Variants in STK38L observed in about 807,000 individuals in gnomAD.
STK38L encodes the protein serine/threonine kinase 38 like.
A neutral mutation model predicts 59.7 loss-of-function variants in STK38L; 28 were observed. The observed-to-expected ratio is 0.47, with a 90% CI of 0.35 to 0.64. STK38L has a LOEUF of 0.64. STK38L is among the 30% of genes least tolerant of loss of function. The pLI, the probability that STK38L is intolerant of heterozygous loss-of-function variation, is 0.01. For missense variants in STK38L, 314 were observed against 555.8 expected (o/e 0.56, Z 4.37); for synonymous variants, 162 against 176.8 (o/e 0.92, Z 0.66).
intron 5 of STK38L, among the ~76,000 whole-genome samples, chr12:27,312,175 G>A (rs1026739529): frequency 5.3e-5 from 8 of 152,038 alleles, no homozygotes; most frequent in Admixed American, 1.3e-4. Context: ...CACTGTGCCC[G>A]GCCCTGCTTA....
chr12:27,268,775 C>T (rs1438206268), intron 1 of STK38L, among the ~76,000 whole-genome samples: 1 of 152,160 alleles, frequency 6.6e-6, no homozygotes, highest in African/African-American at 2.4e-5. Flanking sequence ...TCCTCTCCAG[C>T]ACCTGTTGTT....
chr12:27,290,468 T>C (rs562352356), intron 1 of STK38L, among the ~76,000 whole-genome samples: 6 of 152,330 alleles, frequency 3.9e-5, no homozygotes, highest in African/African-American at 9.6e-5. Flanking sequence ...AAACTAACTT[T>C]CTTAAACTAG....
intron 1 of STK38L, among the ~76,000 whole-genome samples, chr12:27,249,244 TCA>T (rs1942921384): frequency 1.3e-5 from 2 of 152,242 alleles, no homozygotes; most frequent in Non-Finnish European, 2.9e-5. Context: ...ACCTGATCAT[TCA>T]CAGTCATATT....
At chr12:27,315,383 C>T (rs1204041356) in intron 9 of STK38L, 33 bp downstream of exon 9, 26 of 1,566,146 alleles carry the variant, frequency 1.7e-5, no homozygotes, top group Non-Finnish European at 2.3e-5. Flanking sequence ...GAATTTTATG[C>T]CTTGGTTCTA....
intron 9 of STK38L, among the ~76,000 whole-genome samples, chr12:27,316,611 AT>A (rs1035123154): frequency 7.9e-5 from 12 of 152,152 alleles, no homozygotes; most frequent in African/African-American, 2.9e-4. Context: ...GTGGTCCTAC[AT>A]TTTGCCATGG....
intron 1 of STK38L, among the ~76,000 whole-genome samples, chr12:27,288,302 A>G (rs1395928920): frequency 6.6e-6 from 1 of 152,158 alleles, no homozygotes; most frequent in Non-Finnish European, 1.5e-5. Context: ...TAAAGCATAC[A>G]TTTATTTTAA....
At chr12:27,303,012 T>TAAA (rs33949589) in intron 3 of STK38L, among the ~76,000 whole-genome samples, 1 of 119,812 alleles carries the variant, frequency 8.3e-6, no homozygotes, top group Non-Finnish European at 1.7e-5. Flanking sequence ...GACTCCGTCT[T>TAAA]AAAAAAAAAA....
chr12:27,299,891 G>T (rs1042382441), intron 2 of STK38L, among the ~76,000 whole-genome samples: 1 of 151,894 alleles, frequency 6.6e-6, no homozygotes, highest in African/African-American at 2.4e-5. Context: ...AAATAAGTTA[G>T]AAATAAAAAT....
chr12:27,303,731 A>T (rs933468391), intron 3 of STK38L, among the ~76,000 whole-genome samples: 1 of 152,168 alleles, frequency 6.6e-6, no homozygotes, highest in Admixed American at 6.5e-5. Context: ...TTCATAGAAG[A>T]AGTAATAATT....
chr12:27,313,750 AAGT>A (rs1944515951), intron 6 of STK38L, among the ~76,000 whole-genome samples: 1 of 152,152 alleles, frequency 6.6e-6, no homozygotes, highest in Non-Finnish European at 1.5e-5. Flanking sequence ...TCTGTGTTGT[AAGT>A]GCACCAGTGT....
In STK38L at chr12:27,325,513, T is replaced by C. The variant is rs1429377322; in HGVS notation, c.*3058T>C. On this transcript the variant is annotated 3_prime_UTR_variant, in exon 14 of 14. Coordinates refer to ENST00000389032, the MANE Select transcript of STK38L (RefSeq NM_015000.4). ...ATAAATGAATTGAGAATTTAGTCCA[T>C]AGAGGTCCCTGGCTACCAAACACAT... The C allele has an allele frequency of 1.3e-5, 2 of 152,186 alleles. No individual in the cohort carries two copies. The highest frequency in any genetic ancestry group is 2.1e-4 in the South Asian group (1 of 4,832). The allele number at this position is 152,186 out of a possible 1,614,324, so 9.4% of individuals were successfully genotyped here. A position where few individuals can be genotyped will look rare whatever the true frequency, so the allele number is the denominator to read the frequency against.
At chr12:27,312,121 C>T (rs761395569) in intron 5 of STK38L, among the ~76,000 whole-genome samples, 8 of 151,240 alleles carry the variant, frequency 5.3e-5, no homozygotes, top group Admixed American at 4.6e-4. Flanking sequence ...CCTCGTGATC[C>T]ACCTGCCCTG....
intron 1 of STK38L, among the ~76,000 whole-genome samples, chr12:27,272,481 C>A (rs1442496427): frequency 1.3e-5 from 2 of 151,244 alleles, no homozygotes; most frequent in African/African-American, 4.9e-5. Context: ...AGCTCTTTTC[C>A]CTCCTTTATA....
At chr12:27,319,495 T>A in intron 12 of STK38L, 72 bp downstream of exon 12, 1 of 1,000,218 alleles carries the variant, frequency 1.0e-6, no homozygotes, top group Non-Finnish European at 1.6e-6. Context: ...TTAATTTACC[T>A]CTGATTCTGC....
Position 27,307,424 on chromosome 12 carries a change from A to G in STK38L, c.187-915A>G, listed in dbSNP as rs374962156. Among the ~76,000 whole-genome samples, 132 of 152,374 alleles carry G rather than the reference A, an allele frequency of 8.7e-4. 2 individuals are homozygous for G. In the South Asian group the frequency reaches 0.023, roughly 26 times the overall value. On this transcript the variant is annotated intron_variant, in intron 3 of 13. Coordinates refer to ENST00000389032, the MANE Select transcript of STK38L (RefSeq NM_015000.4). Reference sequence around the variant, plus strand: ...ATATATACAGGAGTAGGGAGAGGCTATACCATGAGCTGCATTTAGAAGCAA... The same window carrying G: ...ATATATACAGGAGTAGGGAGAGGCTGTACCATGAGCTGCATTTAGAAGCAA...
intron 3 of STK38L, among the ~76,000 whole-genome samples, chr12:27,307,949 G>C (rs1944355769): frequency 6.6e-6 from 1 of 152,160 alleles, no homozygotes; most frequent in African/African-American, 2.4e-5. Context: ...CAGTAGTTGT[G>C]AAAGAGCAAC....
At chr12:27,307,723 T>G (rs535222870) in intron 3 of STK38L, among the ~76,000 whole-genome samples, 14 of 152,338 alleles carry the variant, frequency 9.2e-5, no homozygotes, top group Admixed American at 3.9e-4. Context: ...TTAATGGAAG[T>G]TATTTTTTGT....
At chr12:27,250,970 G>C (rs1331987763) in intron 1 of STK38L, among the ~76,000 whole-genome samples, 1 of 142,892 alleles carries the variant, frequency 7.0e-6, no homozygotes, top group African/African-American at 2.6e-5. Flanking sequence ...CTGTAGCCCA[G>C]CCTGGGTGAC....
rs951163063 is a variant in STK38L at position 27,278,813 on chromosome 12, C to T, written c.-11-18897C>T. On this transcript the variant is annotated intron_variant, in intron 1 of 13. Transcript: ENST00000389032. The stretch of plus-strand genomic sequence containing the variant: ...ACCTTGGCAAAGTAGCTAAAGTCAG[C>T]CCTGAAGCTGAAATCAGCTGAGGCT... Among the ~76,000 whole-genome samples, 4 of 152,282 alleles carry T rather than the reference C, an allele frequency of 2.6e-5. No individual in the cohort carries two copies. In the South Asian group the frequency reaches 6.2e-4, roughly 24 times the overall value.
Sources: allele counts gnomAD v4.1 joint callset (sites outside exome capture counted in the v4.1 genomes callset), GRCh38; gene constraint gnomAD v4.1.1; transcripts MANE v1.5; gene names NCBI Gene and HGNC (gene_info 2026-07-23, HGNC 2026-07-21).